Variants in HMCN1 observed in about 807,000 individuals in gnomAD.
The protein encoded by HMCN1 is hemicentin-1.
A neutral mutation model predicts 625.9 loss-of-function variants in HMCN1; 321 were observed. That is an observed-to-expected ratio of 0.51 (90% CI 0.47 to 0.56). The LOEUF (loss-of-function observed/expected upper bound fraction) is 0.56, where lower values mean the gene tolerates loss of function less well. Among genes scored for constraint, HMCN1 ranks in the 20% least tolerant of loss-of-function variants. The pLI, the probability that HMCN1 is intolerant of heterozygous loss-of-function variation, is 0.00. For missense variants in HMCN1, 6,588 were observed against 6,887.3 expected (o/e 0.96, Z 1.54); for synonymous variants, 2,425 against 2,417.6 (o/e 1.00, Z -0.09).
chr1:185,929,900 T>C (rs1370726013), intron 10 of HMCN1, among the ~76,000 whole-genome samples: 1 of 152,212 alleles, frequency 6.6e-6, no homozygotes, highest in Non-Finnish European at 1.5e-5. Flanking sequence ...ATTGGAGTCA[T>C]GTCAACATTC....
chr1:185,852,904 A>G (rs1374835483), intron 2 of HMCN1, among the ~76,000 whole-genome samples: 2 of 152,070 alleles, frequency 1.3e-5, no homozygotes, highest in South Asian at 4.1e-4. Flanking sequence ...TCACATAAAT[A>G]TTACTATTTC....
At chr1:185,855,419 C>G (rs1662405324) in intron 2 of HMCN1, among the ~76,000 whole-genome samples, 1 of 152,100 alleles carries the variant, frequency 6.6e-6, no homozygotes, top group South Asian at 2.1e-4. Flanking sequence ...TTAACCCTGC[C>G]TGCTTCTTCT....
intron 39 of HMCN1, among the ~76,000 whole-genome samples, chr1:186,040,687 G>A (rs1199439272): frequency 6.6e-6 from 1 of 152,092 alleles, no homozygotes; most frequent in Non-Finnish European, 1.5e-5. Context: ...AAGAGAATTA[G>A]CATTTATTCT....
intron 4 of HMCN1, among the ~76,000 whole-genome samples, chr1:185,883,878 GATT>G (rs1464888190): frequency 3.2e-5 from 3 of 93,690 alleles, no homozygotes; most frequent in African/African-American, 1.3e-4. Context: ...TATAGGTCAT[GATT>G]TTTTTTTTTT....
chr1:185,917,497 G>A (rs1666776105), intron 6 of HMCN1, among the ~76,000 whole-genome samples: 1 of 152,158 alleles, frequency 6.6e-6, no homozygotes, highest in South Asian at 2.1e-4. Flanking sequence ...GGTTTTAAGA[G>A]ATAACGTGTG....
intron 80 of HMCN1, among the ~76,000 whole-genome samples, chr1:186,121,677 TAG>T (rs1240379026): frequency 6.6e-6 from 1 of 152,028 alleles, no homozygotes; most frequent in Admixed American, 6.6e-5. Context: ...AGATGTCAAG[TAG>T]AGAGTTGAAT....
intron 1 of HMCN1, among the ~76,000 whole-genome samples, chr1:185,746,548 T>G (rs985484611): frequency 1.3e-5 from 2 of 152,002 alleles, no homozygotes; most frequent in African/African-American, 4.8e-5. Flanking sequence ...CACCCTAATC[T>G]CTGCCTTTGT....
At chr1:185,760,523 T>C (rs1655425612) in intron 1 of HMCN1, among the ~76,000 whole-genome samples, 1 of 152,350 alleles carries the variant, frequency 6.6e-6, no homozygotes, top group African/African-American at 2.4e-5. Context: ...TTTGTTTTTT[T>C]AAATTTATTC....
chr1:185,734,562 C>T lies in HMCN1; in HGVS notation c.-218C>T. On this transcript the variant is annotated 5_prime_UTR_variant, in exon 1 of 107. Coordinates refer to ENST00000271588, the MANE Select transcript of HMCN1 (RefSeq NM_031935.3). ...TAGCAGTCCAGGAGGAAGCCGCATC[C>T]AGACAAAAGCTGCCGCATCCCTGCC... 1.7e-6 allele frequency: 1 copy of T among 574,734 alleles called. No homozygotes were observed. The allele number at this position is 574,734 out of a possible 1,614,324, so 35.6% of individuals were successfully genotyped here.
At chr1:185,757,918 T>C (rs1250018142) in intron 1 of HMCN1, among the ~76,000 whole-genome samples, 1 of 152,218 alleles carries the variant, frequency 6.6e-6, no homozygotes, top group Non-Finnish European at 1.5e-5. Flanking sequence ...TAGATACTCT[T>C]ATATATCCTC....
intron 86 of HMCN1, 33 bp from the exon 87 acceptor site, chr1:186,136,635 A>C (rs1188119981): frequency 1.2e-6 from 2 of 1,611,550 alleles, no homozygotes; most frequent in Non-Finnish European, 1.7e-6. Flanking sequence ...GTAACTCCAC[A>C]AAAACTGAGA....
chr1:186,036,477 A>G (rs1655830897), intron 36 of HMCN1, among the ~76,000 whole-genome samples: 1 of 152,162 alleles, frequency 6.6e-6, no homozygotes, highest in Non-Finnish European at 1.5e-5. Context: ...TGAGAACAGT[A>G]TGGAGGAAAC....
Position 186,053,135 on chromosome 1 carries a change from G to T in HMCN1, c.6700+61G>T, listed in dbSNP as rs962824202. 4.1e-6 allele frequency: 6 copies of T among 1,467,148 alleles called. No homozygotes were observed. The African/African-American group carries it at 8.4e-5, about 21-fold the overall frequency. The allele number at this position is 1,467,148 out of a possible 1,614,324, so 90.9% of individuals were successfully genotyped here. A position where few individuals can be genotyped will look rare whatever the true frequency, so the allele number is the denominator to read the frequency against. On this transcript the variant is annotated intron_variant, in intron 43 of 106. Transcript: ENST00000271588. Reference sequence around the variant, plus strand: ...AAAATATAAGATGGATATTGATTTCGTTTAATAAATGTGTTAGATTATAAA... The same window carrying T: ...AAAATATAAGATGGATATTGATTTCTTTTAATAAATGTGTTAGATTATAAA...
intron 16 of HMCN1, 92 bp downstream of exon 16, chr1:185,978,073 A>G (rs1003855298): frequency 3.3e-6 from 3 of 919,140 alleles, no homozygotes; most frequent in African/African-American, 3.4e-5. Context: ...AAAATAGTAT[A>G]TTAATCTTGC....
intron 1 of HMCN1, among the ~76,000 whole-genome samples, chr1:185,778,808 G>C (rs112859801): frequency 6.6e-6 from 1 of 152,018 alleles, no homozygotes; most frequent in African/African-American, 2.4e-5. Flanking sequence ...ATGCACATAC[G>C]TGTGCATGTG....
At chr1:186,050,539 C>T (rs1656882723) in intron 42 of HMCN1, among the ~76,000 whole-genome samples, 1 of 151,878 alleles carries the variant, frequency 6.6e-6, no homozygotes, top group Non-Finnish European at 1.5e-5. Context: ...CAGTGTTGTT[C>T]TCAGAAGAAA....
intron 4 of HMCN1, among the ~76,000 whole-genome samples, chr1:185,896,963 C>T (rs932372521): frequency 3.3e-5 from 5 of 152,114 alleles, no homozygotes; most frequent in Admixed American, 2.0e-4. Flanking sequence ...CTTTAATTGG[C>T]AAAGTATTGA....
At chr1:186,138,009 T>C (rs780526467) in intron 89 of HMCN1, 37 bp downstream of exon 89, 2 of 1,609,590 alleles carry the variant, frequency 1.2e-6, no homozygotes, top group South Asian at 2.2e-5. Flanking sequence ...TAAACAAAAC[T>C]TTTCTATCTT....
intron 4 of HMCN1, among the ~76,000 whole-genome samples, chr1:185,907,894 C>T (rs1666185303): frequency 6.6e-6 from 1 of 151,520 alleles, no homozygotes; most frequent in Admixed American, 6.6e-5. Flanking sequence ...TTAAGAACAT[C>T]AGTATTATTA....
Sources: allele counts gnomAD v4.1 joint callset (sites outside exome capture counted in the v4.1 genomes callset), GRCh38; gene constraint gnomAD v4.1.1; transcripts MANE v1.5; gene names NCBI Gene and HGNC (gene_info 2026-07-23, HGNC 2026-07-21).